UIMC1: variants seen among roughly 807,000 people sequenced by gnomAD.
The protein encoded by UIMC1 is BRCA1-A complex subunit RAP80.
In UIMC1, 42 loss-of-function variants were observed where a neutral mutation model predicts 84.9. That is an observed-to-expected ratio of 0.49 (90% CI 0.39 to 0.64). The LOEUF (loss-of-function observed/expected upper bound fraction) is 0.64, where lower values mean the gene tolerates loss of function less well. Ranked by LOEUF, UIMC1 falls within the 30% of genes least tolerant of loss-of-function variation. The pLI is 0.00. For missense variants in UIMC1, 825 were observed against 847.6 expected (o/e 0.97, Z 0.33); for synonymous variants, 281 against 293.0 (o/e 0.96, Z 0.42).
intron 1 of UIMC1, among the ~76,000 whole-genome samples, chr5:176,987,679 C>A (rs999572906): frequency 5.9e-5 from 9 of 151,526 alleles, no homozygotes; most frequent in Non-Finnish European, 1.3e-4. Flanking sequence ...TAAACATTAG[C>A]CAGGCATGGC....
chr5:176,979,519 C>T (rs1484913862), intron 2 of UIMC1, among the ~76,000 whole-genome samples: 1 of 151,828 alleles, frequency 6.6e-6, no homozygotes, highest in Non-Finnish European at 1.5e-5. Flanking sequence ...AGGAGAATCG[C>T]TTGAACCTGG....
chr5:177,003,936 C>T (rs1671775919), intron 1 of UIMC1, among the ~76,000 whole-genome samples: 1 of 152,184 alleles, frequency 6.6e-6, no homozygotes, highest in African/African-American at 2.4e-5. Context: ...TCAGGCAATT[C>T]TCCCACCAGA....
intron 10 of UIMC1, chr5:176,919,397 G>T: frequency 6.1e-6 from 1 of 164,768 alleles, no homozygotes; most frequent in South Asian, 1.2e-4. Context: ...TTTAAATTTT[G>T]ATAAAGTCCA....
intron 1 of UIMC1, among the ~76,000 whole-genome samples, chr5:176,992,451 C>A (rs1773012109): frequency 6.8e-6 from 1 of 146,990 alleles, no homozygotes; most frequent in Non-Finnish European, 1.5e-5. Context: ...ATAGTGAGAC[C>A]CTGTCTCAGT....
At chr5:176,981,298 C>T (rs768280004) in intron 2 of UIMC1, among the ~76,000 whole-genome samples, 1 of 151,922 alleles carries the variant, frequency 6.6e-6, no homozygotes, top group Non-Finnish European at 1.5e-5. Flanking sequence ...GCACGTGCCA[C>T]CACACCTGGC....
chr5:177,000,842 C>T (rs558866305), intron 1 of UIMC1, among the ~76,000 whole-genome samples: 6 of 152,160 alleles, frequency 3.9e-5, no homozygotes, highest in African/African-American at 1.2e-4. Context: ...ATCTTTTGCC[C>T]ATTTTTTAAA....
intron 1 of UIMC1, among the ~76,000 whole-genome samples, chr5:176,988,130 CA>C (rs35059681): frequency 0.076 from 6,843 of 90,176 alleles, 209 homozygotes; most frequent in African/African-American, 0.19. Flanking sequence ...CGCCCCTGTC[CA>C]AAAAAAAAAA....
chr5:177,009,939 G>A (rs1362975425), upstream of UIMC1, among the ~76,000 whole-genome samples: 5 of 152,152 alleles, frequency 3.3e-5, no homozygotes, highest in African/African-American at 9.7e-5. The surrounding 1 kb of genome is among the most constrained non-coding windows in gnomAD (Gnocchi z 4.3). Flanking sequence ...GAGAGGCTGA[G>A]GCAGGAGAAT....
intron 10 of UIMC1, among the ~76,000 whole-genome samples, chr5:176,920,071 G>C (rs532172785): frequency 2.0e-5 from 3 of 152,226 alleles, no homozygotes; most frequent in Admixed American, 2.0e-4. Context: ...GCCCAGGCTG[G>C]AGTGCAATGG....
chr5:176,957,910 G>T (rs983769042), intron 7 of UIMC1, among the ~76,000 whole-genome samples, 183 bp downstream of exon 7: 7 of 152,154 alleles, frequency 4.6e-5, no homozygotes, highest in African/African-American at 1.7e-4. Context: ...TTAATATTCT[G>T]GGCTTCTATG....
intron 8 of UIMC1, among the ~76,000 whole-genome samples, chr5:176,954,728 C>A (rs1252191408): frequency 6.7e-6 from 1 of 149,432 alleles, no homozygotes; most frequent in African/African-American, 2.5e-5. Context: ...TGCACTCCAG[C>A]CTGGGCAAAA....
At chr5:176,917,592 C>CA (rs1258582050) in intron 10 of UIMC1, among the ~76,000 whole-genome samples, 2 of 151,978 alleles carry the variant, frequency 1.3e-5, no homozygotes, top group African/African-American at 4.8e-5. Flanking sequence ...AAAACAAAAA[C>CA]AAAAAAACAA....
intron 6 of UIMC1, among the ~76,000 whole-genome samples, chr5:176,965,211 G>A (rs1768094044): frequency 6.6e-6 from 1 of 152,146 alleles, no homozygotes; most frequent in Non-Finnish European, 1.5e-5. Context: ...CACGAGGTCA[G>A]GAGATCGAGA....
At chr5:176,949,952 G>T (rs1765637606) in intron 9 of UIMC1, among the ~76,000 whole-genome samples, 1 of 151,808 alleles carries the variant, frequency 6.6e-6, no homozygotes, top group Non-Finnish European at 1.5e-5. Context: ...TACTTGGGAG[G>T]CTGAGGCATG....
intron 1 of UIMC1, among the ~76,000 whole-genome samples, chr5:176,990,386 A>T (rs978822086): frequency 6.6e-6 from 1 of 152,006 alleles, no homozygotes; most frequent in African/African-American, 2.4e-5. Context: ...TTGATCTTAC[A>T]TTTACCAGAC....
intron 11 of UIMC1, among the ~76,000 whole-genome samples, chr5:176,910,499 G>A (rs1042375457): frequency 1.3e-5 from 2 of 152,010 alleles, no homozygotes; most frequent in African/African-American, 4.8e-5. Context: ...TTCCTAATGG[G>A]GCTGAATAAT....
intron 1 of UIMC1, among the ~76,000 whole-genome samples, chr5:177,013,500 C>T (rs749041548): frequency 2.6e-5 from 4 of 151,960 alleles, no homozygotes; most frequent in Admixed American, 1.3e-4. Flanking sequence ...CTTCACTTGG[C>T]GAATTAATCA....
intron 6 of UIMC1, 93 bp downstream of exon 6, chr5:176,968,462 A>T: frequency 1.3e-6 from 2 of 1,481,948 alleles, no homozygotes; most frequent in Non-Finnish European, 1.8e-6. Context: ...TTTAATAATC[A>T]AGGAGGGGAA....
chr5:176,926,686 AGAGGT>A (rs1762421732), intron 10 of UIMC1, among the ~76,000 whole-genome samples: 1 of 152,172 alleles, frequency 6.6e-6, no homozygotes, highest in Non-Finnish European at 1.5e-5. Context: ...TAAAGTATTT[AGAGGT>A]AAAGTGTCAT....
Sources: allele counts gnomAD v4.1 joint callset (sites outside exome capture counted in the v4.1 genomes callset), GRCh38; gene constraint gnomAD v4.1.1; non-coding constraint Gnocchi (gnomAD v3.1); transcripts MANE v1.5; gene names NCBI Gene and HGNC (gene_info 2026-07-23, HGNC 2026-07-21).